PLEKHH2: variants seen among roughly 807,000 people sequenced by gnomAD.
The protein encoded by PLEKHH2 is pleckstrin homology domain-containing family H member 2.
A neutral mutation model predicts 187.9 loss-of-function variants in PLEKHH2; 129 were observed. The ratio of observed to expected loss-of-function variants is 0.69; its 90% CI spans 0.59 to 0.79. The LOEUF (loss-of-function observed/expected upper bound fraction) is 0.79. Among genes scored for constraint, PLEKHH2 ranks in the 30% least tolerant of loss-of-function variants. The pLI is 0.00. For missense variants in PLEKHH2, 2,076 were observed against 1,751.2 expected, an observed-to-expected ratio of 1.19 and a Z score of -3.31; for synonymous variants, 686 against 605.6, an observed-to-expected ratio of 1.13 and a Z score of -1.95.
At chr2:43,666,248 C>T (rs568490389) in intron 2 of PLEKHH2, among the ~76,000 whole-genome samples, 5 of 150,956 alleles carry the variant, frequency 3.3e-5, no homozygotes, top group Admixed American at 2.0e-4. Context: ...CAGGTGCATC[C>T]GTCACCCCTT....
intron 2 of PLEKHH2, among the ~76,000 whole-genome samples, chr2:43,677,754 C>A: frequency 6.6e-6 from 1 of 151,486 alleles, no homozygotes; most frequent in Non-Finnish European, 1.5e-5. Flanking sequence ...AGAGGGGCTC[C>A]TCACTTCCCA....
chr2:43,732,183 G>C (rs976679316), intron 19 of PLEKHH2, among the ~76,000 whole-genome samples: 3 of 152,000 alleles, frequency 2.0e-5, no homozygotes, highest in African/African-American at 7.3e-5. Flanking sequence ...GGCCAACATG[G>C]TGAAACCCCA....
At position 43,707,463 on chromosome 2, in the gene PLEKHH2, C is replaced by G. The variant is rs766365129; in HGVS notation, c.1884C>G (p.Asp628Glu). The change falls in exon 11 of 30, where the codon GAC becomes GAG. Residue 628 changes from aspartate (D) to glutamate (E), a missense_variant. By Grantham distance (45) the Asp-to-Glu change is conservative (BLOSUM62 2). Coordinates refer to ENST00000282406, the MANE Select transcript of PLEKHH2 (RefSeq NM_172069.4). ...LDDSSGSEEE[D>E]SSRSSSRTSE... The stretch of plus-strand genomic sequence containing the variant: ...ACTCATCTGGGTCAGAGGAAGAAGA[C>G]AGCTCCAGATCCAGCTCCCGGACGT... The G allele has an allele frequency of 3.7e-5, 59 of 1,613,970 alleles. No individual in the cohort carries two copies. In the South Asian group the frequency reaches 4.8e-4, roughly 13 times the overall value.
In PLEKHH2 at chr2:43,710,509, C is replaced by T. The variant is rs961540841; in HGVS notation, c.2235C>T (p.Pro745=). The T allele has an allele frequency of 1.9e-6, 3 of 1,598,780 alleles. No individual in the cohort carries two copies. Among genetic ancestry groups the T allele is most frequent in the Non-Finnish European group, 2.5e-6 (3 of 1,176,612 alleles). ...TACAGAGTGATGTAATTAGAAAACC[C>T]CAGGGCCATATTGAACTTAGTGCAT... ...YKSPSDVIRK[P]QGHIELSASC... The change falls in exon 14 of 30, where the codon CCC becomes CCT. Residue 745 remains proline (P), a synonymous_variant. Transcript: ENST00000282406.
chr2:43,639,319 G>A (rs1021199047), intron 1 of PLEKHH2, among the ~76,000 whole-genome samples: 6 of 152,232 alleles, frequency 3.9e-5, no homozygotes, highest in Middle Eastern at 3.4e-3. Flanking sequence ...ACAGTTCACT[G>A]GGTTTTGGTA....
chr2:43,717,968 TGTG>T lies in PLEKHH2; in HGVS notation c.2461-2696_2461-2694del, dbSNP rs1016187732. Among the ~76,000 whole-genome samples, 26 of 152,268 alleles carry T rather than the reference TGTG, an allele frequency of 1.7e-4. 1 individual carries two copies. Among genetic ancestry groups the T allele is most frequent in the African/African-American group, 6.0e-4 (25 of 41,560 alleles). On this transcript the variant is annotated intron_variant, in intron 15 of 29. Coordinates refer to ENST00000282406, the MANE Select transcript of PLEKHH2 (RefSeq NM_172069.4). ...AGTCAGCAAGGCTGGTGGCAGGATT[TGTG>T]GTGGAGAATGCTACAGGGATGGGCT...
At chr2:43,760,789 A>T (rs1165289696) in intron 27 of PLEKHH2, among the ~76,000 whole-genome samples, 2 of 152,130 alleles carry the variant, frequency 1.3e-5, no homozygotes, top group African/African-American at 4.8e-5. Flanking sequence ...CTAACTCCCC[A>T]GTCCTCCCTC....
chr2:43,666,428 C>T (rs935469894), intron 2 of PLEKHH2, among the ~76,000 whole-genome samples: 10 of 147,178 alleles, frequency 6.8e-5, no homozygotes, highest in Admixed American at 2.0e-4. Context: ...AGAAATCACC[C>T]GTCTTCTGCG....
At chr2:43,751,685 G>C (rs1329426291) in intron 24 of PLEKHH2, among the ~76,000 whole-genome samples, 1 of 152,220 alleles carries the variant, frequency 6.6e-6, no homozygotes, top group Non-Finnish European at 1.5e-5. Flanking sequence ...CATTCTGTCT[G>C]CTGCAGGCCT....
chr2:43,747,107 T>TCC (rs1491500385), intron 24 of PLEKHH2, among the ~76,000 whole-genome samples: 1 of 137,762 alleles, frequency 7.3e-6, no homozygotes, highest in African/African-American at 2.8e-5. Context: ...TCTCTCTCTC[T>TCC]CCCTCTCTCT....
intron 2 of PLEKHH2, 117 bp from the exon 3 acceptor site, chr2:43,678,728 AGAGGTGGAAGTGGAGGTG>A (rs1317039603): frequency 7.9e-5 from 32 of 403,642 alleles, no homozygotes; most frequent in Middle Eastern, 1.4e-3. Flanking sequence ...GACCGTGGGT[AGAGGTGGAAGTGGAGGTG>A]GAGGTGGAGG....
chr2:43,757,327 G>A (rs1346150906), intron 26 of PLEKHH2, 63 bp downstream of exon 26: 26 of 1,274,740 alleles, frequency 2.0e-5, no homozygotes, highest in Admixed American at 3.0e-5. Flanking sequence ...TAATATTTTT[G>A]TGTTCAAATT....
At chr2:43,738,287 A>C (rs185367162) in intron 19 of PLEKHH2, 54 bp from the exon 20 acceptor site, 242 of 1,380,622 alleles carry the variant, frequency 1.8e-4, no homozygotes, top group Non-Finnish European at 1.9e-4. Flanking sequence ...TAATTCATGC[A>C]GAATAAATCT....
intron 2 of PLEKHH2, 33 bp downstream of exon 2, chr2:43,644,829 G>A: frequency 6.4e-7 from 1 of 1,572,808 alleles, no homozygotes; most frequent in Non-Finnish European, 8.6e-7. Context: ...GTTATTAAAT[G>A]TCAGCTATTT....
intron 3 of PLEKHH2, among the ~76,000 whole-genome samples, chr2:43,683,039 T>A (rs895048601): frequency 6.6e-6 from 1 of 152,124 alleles, no homozygotes; most frequent in Admixed American, 6.5e-5. Flanking sequence ...TCCTGTGCCC[T>A]ACCTATTCTA....
At chr2:43,653,275 G>T (rs540860116) in intron 2 of PLEKHH2, among the ~76,000 whole-genome samples, 2 of 152,032 alleles carry the variant, frequency 1.3e-5, no homozygotes, top group Non-Finnish European at 2.9e-5. Flanking sequence ...TCAAAGAAAA[G>T]ATTCTGCAAG....
At chr2:43,687,999 C>G (rs966835906) in intron 3 of PLEKHH2, among the ~76,000 whole-genome samples, 2 of 152,108 alleles carry the variant, frequency 1.3e-5, no homozygotes, top group Non-Finnish European at 2.9e-5. Flanking sequence ...TGCGTTCCCA[C>G]TCTTTTGCCC....
In PLEKHH2 at chr2:43,688,755, G is replaced by T. The variant is rs146979871; in HGVS notation, c.187-3759G>T. Among the ~76,000 whole-genome samples the T allele has an allele frequency of 2.1e-4, 32 of 152,320 alleles. No individual in the cohort carries two copies. The East Asian group carries it at 6.2e-3, about 29-fold the overall frequency. On this transcript the variant is annotated intron_variant, in intron 3 of 29. Transcript: ENST00000282406. ...AAAGGGCACATAGAGTGGTGTCCAG[G>T]AGAAATCAGGTATGAGCTTCCAGTT...
chr2:43,679,017 C>G (rs977959796), intron 3 of PLEKHH2, 92 bp downstream of exon 3: 6 of 763,610 alleles, frequency 7.9e-6, no homozygotes, highest in Non-Finnish European at 1.3e-5. Context: ...ATCAGCCCAC[C>G]TCTACATCTT....
Sources: allele counts gnomAD v4.1 joint callset (sites outside exome capture counted in the v4.1 genomes callset), GRCh38; gene constraint gnomAD v4.1.1; transcripts MANE v1.5; gene names NCBI Gene and HGNC (gene_info 2026-07-23, HGNC 2026-07-21).